Variants in TPMT observed in about 807,000 individuals in gnomAD.
The protein encoded by TPMT is thiopurine S-methyltransferase.
A neutral mutation model predicts 34.2 loss-of-function variants in TPMT; 18 were observed. The observed-to-expected ratio is 0.53, with a 90% CI of 0.36 to 0.78. The LOEUF (loss-of-function observed/expected upper bound fraction) is 0.78. Among genes scored for constraint, TPMT ranks in the 30% least tolerant of loss-of-function variants. The probability of loss-of-function intolerance (pLI) is 0.00; values close to 1 mark genes in which losing one functional copy is unlikely to be tolerated. For missense variants in TPMT, 265 were observed against 288.1 expected (o/e 0.92, Z 0.58); for synonymous variants, 69 against 92.4 (o/e 0.75, Z 1.45).
In TPMT at chr6:18,138,018, G is replaced by A. The variant is rs887600335; in HGVS notation, c.494+945C>T. Among the ~76,000 whole-genome samples, 3 of 152,196 alleles carry A rather than the reference G, an allele frequency of 2.0e-5. No homozygotes were observed. In the East Asian group the frequency reaches 5.8e-4, roughly 29 times the overall value. ...TGGTCTCGAACTCCTGACCTCAGGCGATCCGCCCACCTTGGCCTCCCAAAG... is the reference window on the plus strand; with the variant it reads ...TGGTCTCGAACTCCTGACCTCAGGCAATCCGCCCACCTTGGCCTCCCAAAG... On this transcript the variant is annotated intron_variant, in intron 6 of 8. Coordinates refer to ENST00000309983, the MANE Select transcript of TPMT (RefSeq NM_000367.5). This position sits in a 1 kb window ranked among gnomAD's most constrained non-coding sequence, Gnocchi z 4.1.
In TPMT at chr6:18,136,157, A is replaced by C. The variant is rs1784038463; in HGVS notation, c.495-2268T>G. Among the ~76,000 whole-genome samples, 1 of 152,100 alleles carries C rather than the reference A, an allele frequency of 6.6e-6. No homozygotes were observed. Among genetic ancestry groups the C allele is most frequent in the Non-Finnish European group, 1.5e-5 (1 of 68,022 alleles). ...GCCAACCAGAGCCTGTAGAAGGACT[A>C]ACCTCTAAGGAATGGATGATCATCT... On this transcript the variant is annotated intron_variant, in intron 6 of 8. Transcript: ENST00000309983. The surrounding 1 kb of genome is among the most constrained non-coding windows in gnomAD (Gnocchi z 4.7).
rs771278148 is a variant in TPMT at position 18,149,085 on chromosome 6, C to A, written c.43G>T (p.Asp15Tyr). 3.7e-6 allele frequency: 6 copies of A among 1,614,084 alleles called. No homozygotes were observed. The highest frequency in any genetic ancestry group is 5.1e-6 in the Non-Finnish European group (6 of 1,180,016). Reference sequence around the variant, plus strand: ...ACTTGGTTTTTCTGTACCTCAGTATCCGAGTACTCTTCAATGTCAAGTGAA... The same window carrying A: ...ACTTGGTTTTTCTGTACCTCAGTATACGAGTACTCTTCAATGTCAAGTGAA... ...RTSLDIEEYSDTEVQKNQVLT... is the reference protein window; with the variant it reads ...RTSLDIEEYSYTEVQKNQVLT... Residue 15 changes from aspartate (D) to tyrosine (Y), a missense_variant, in exon 2 of 9, where the codon GAT becomes TAT. By Grantham distance (160) the Asp-to-Tyr change is radical. Transcript: ENST00000309983. This position sits in a 1 kb window ranked among gnomAD's most constrained non-coding sequence, Gnocchi z 5.0.
At chr6:18,141,881 G>A (rs1012874216) in intron 4 of TPMT, among the ~76,000 whole-genome samples, 5 of 152,112 alleles carry the variant, frequency 3.3e-5, no homozygotes, top group Non-Finnish European at 5.9e-5. Flanking sequence ...CATAGATGCC[G>A]GCAGTTTGTG....
chr6:18,139,955 G>A lies in TPMT; in HGVS notation c.367-238C>T, dbSNP rs192107915. Among the ~76,000 whole-genome samples, 3 of 152,302 alleles carry A rather than the reference G, an allele frequency of 2.0e-5. No homozygotes were observed. The East Asian group carries it at 5.8e-4, about 29-fold the overall frequency. Reference sequence around the variant, plus strand: ...TCACAGAGGACAACTTTGAAGATCAGTTGGCTGTTACTCACTTCAGAGCTT... The same window carrying A: ...TCACAGAGGACAACTTTGAAGATCAATTGGCTGTTACTCACTTCAGAGCTT... On this transcript the variant is annotated intron_variant, in intron 4 of 8. Coordinates refer to ENST00000309983, the MANE Select transcript of TPMT (RefSeq NM_000367.5). This position sits in a 1 kb window ranked among gnomAD's most constrained non-coding sequence, Gnocchi z 4.2.
chr6:18,138,851 A>G lies in TPMT; in HGVS notation c.494+112T>C. On this transcript the variant is annotated intron_variant, in intron 6 of 8. Transcript: ENST00000309983. The surrounding 1 kb of genome is among the most constrained non-coding windows in gnomAD (Gnocchi z 4.1). ...ATTTAGGTTTTTATAAATTCCAAACATAATAACCTATTTCAAACTCATAGA... is the reference window on the plus strand; with the variant it reads ...ATTTAGGTTTTTATAAATTCCAAACGTAATAACCTATTTCAAACTCATAGA... The G allele has an allele frequency of 1.1e-6, 1 of 900,708 alleles. No individual in the cohort carries two copies. Among genetic ancestry groups the G allele is most frequent in the South Asian group, 1.5e-5 (1 of 67,074 alleles). The allele number at this position is 900,708 out of a possible 1,614,324, so 55.8% of individuals were successfully genotyped here.
chr6:18,133,687 T>C (rs1350650088), intron 7 of TPMT, 117 bp downstream of exon 7: 9 of 751,036 alleles, frequency 1.2e-5, no homozygotes, highest in East Asian at 1.1e-4. Flanking sequence ...CATGTATATA[T>C]GCAGTATGCT....
In TPMT at chr6:18,136,127, A is replaced by T. The variant is rs143235543; in HGVS notation, c.495-2238T>A. ...TGCTTCCCACTGCTTGGTGGATTTT[A>T]CCATGCCAACCAGAGCCTGTAGAAG... On this transcript the variant is annotated intron_variant, in intron 6 of 8. Coordinates refer to ENST00000309983, the MANE Select transcript of TPMT (RefSeq NM_000367.5). This position sits in a 1 kb window ranked among gnomAD's most constrained non-coding sequence, Gnocchi z 4.7. 1.3e-5 allele frequency among the ~76,000 whole-genome samples: 2 copies of T among 152,224 alleles called. No individual in the cohort carries two copies. The highest frequency in any genetic ancestry group is 3.9e-4 in the East Asian group (2 of 5,174).
Position 18,145,142 on chromosome 6 carries a change from G to A in TPMT, c.234-1414C>T, listed in dbSNP as rs1001706582. 6.6e-6 allele frequency among the ~76,000 whole-genome samples: 1 copy of A among 152,144 alleles called. No individual in the cohort carries two copies. The highest frequency in any genetic ancestry group is 1.5e-5 in the Non-Finnish European group (1 of 68,026). On this transcript the variant is annotated intron_variant, in intron 3 of 8. Coordinates refer to ENST00000309983, the MANE Select transcript of TPMT (RefSeq NM_000367.5). The surrounding 1 kb of genome is among the most constrained non-coding windows in gnomAD (Gnocchi z 5.6). The stretch of plus-strand genomic sequence containing the variant: ...ACATAGTTCTGCTATAATGTAACAA[G>A]TGCCTTCCTAAAATCACTGCACTAT...
In TPMT at chr6:18,145,073, A is replaced by G. The variant is rs1784223738; in HGVS notation, c.234-1345T>C. Among the ~76,000 whole-genome samples, 1 of 152,208 alleles carries G rather than the reference A, an allele frequency of 6.6e-6. No individual in the cohort carries two copies. Among genetic ancestry groups the G allele is most frequent in the African/African-American group, 2.4e-5 (1 of 41,460 alleles). On this transcript the variant is annotated intron_variant, in intron 3 of 8. Coordinates refer to ENST00000309983, the MANE Select transcript of TPMT (RefSeq NM_000367.5). The surrounding 1 kb of genome is among the most constrained non-coding windows in gnomAD (Gnocchi z 5.6). The stretch of plus-strand genomic sequence containing the variant: ...CAAGAGAAAACAGTACCAGTGGTAC[A>G]AATATCTAGGCACAGTTATGATTTT...
chr6:18,133,962 A>G (rs1440318320), intron 6 of TPMT, 73 bp from the exon 7 acceptor site: 7 of 1,259,720 alleles, frequency 5.6e-6, no homozygotes, highest in Non-Finnish European at 8.1e-6. Flanking sequence ...AAAGGCAGGG[A>G]AGGAAGCCAG....
At chr6:18,152,620 C>T (rs1328265999) in intron 1 of TPMT, among the ~76,000 whole-genome samples, 2 of 149,546 alleles carry the variant, frequency 1.3e-5, no homozygotes, top group African/African-American at 4.9e-5. Flanking sequence ...TGGAGTTTCG[C>T]TCTTGTTGCC....
At position 18,149,035 on chromosome 6, in the gene TPMT, G is replaced by C; in HGVS notation, c.93C>G (p.Asp31Glu). 1 of 1,614,064 alleles carries C rather than the reference G, an allele frequency of 6.2e-7. No homozygotes were observed. Among genetic ancestry groups the C allele is most frequent in the Non-Finnish European group, 8.5e-7 (1 of 1,179,994 alleles). The change falls in exon 2 of 9, where the codon GAC becomes GAG. Residue 31 changes from aspartate to glutamate, a missense_variant. Transcript: ENST00000309983. The surrounding 1 kb of genome is among the most constrained non-coding windows in gnomAD (Gnocchi z 5.0). ...NQVLTLEEWQ[D>E]KWVNGKTAFH... ...AAGCAGTCTTGCCGTTCACCCACTT[G>C]TCTTGCCATTCTTCCAGAGTTAGTA...
chr6:18,151,184 C>T (rs1450871876), intron 1 of TPMT, among the ~76,000 whole-genome samples: 41 of 130,358 alleles, frequency 3.1e-4, no homozygotes, highest in Admixed American at 1.9e-3. Context: ...CTTCTTCTCT[C>T]TTTTTTTTTT....
chr6:18,142,367 T>G (rs1784159744), intron 4 of TPMT, among the ~76,000 whole-genome samples: 1 of 152,016 alleles, frequency 6.6e-6, no homozygotes, highest in Non-Finnish European at 1.5e-5. Context: ...GCTTCCCTGA[T>G]TTTTACTACC....
chr6:18,129,373 C>T lies in TPMT; in HGVS notation c.*1295G>A, dbSNP rs1434777505. On this transcript the variant is annotated 3_prime_UTR_variant, in exon 9 of 9. Transcript: ENST00000309983. Reference sequence around the variant, plus strand: ...ACAAGACATATCTCTGGGGAGAGTACCGTAGCTTTCACCAGTGTTAAAGGG... The same window carrying T: ...ACAAGACATATCTCTGGGGAGAGTATCGTAGCTTTCACCAGTGTTAAAGGG... The T allele has an allele frequency of 6.6e-6, 1 of 152,164 alleles. No individual in the cohort carries two copies. Among genetic ancestry groups the T allele is most frequent in the Admixed American group, 6.5e-5 (1 of 15,276 alleles). 9.4% of individuals were successfully genotyped at this position (152,164 alleles called of 1,614,324 possible). A position where few individuals can be genotyped will look rare whatever the true frequency, so the allele number is the denominator to read the frequency against.
In TPMT at chr6:18,139,710, G is replaced by A. The variant is rs200220210; in HGVS notation, c.374C>T (p.Ser125Leu). 3.6e-4 allele frequency: 578 copies of A among 1,610,124 alleles called. No individual in the cohort carries two copies. Among genetic ancestry groups the A allele is most frequent in the Non-Finnish European group, 4.7e-4 (553 of 1,178,742 alleles). Residue 125 changes from serine to leucine, a missense_variant, in exon 5 of 9, where the codon TCG becomes TTG. Transcript: ENST00000309983. This position sits in a 1 kb window ranked among gnomAD's most constrained non-coding sequence, Gnocchi z 4.2. ...GCAACAGTACAATGAAATGTTCCCC[G>A]AAGAACTCTGTAATGAAATAATGAA... ...IPGTKVFKSSSGNISLYCCSI... is the reference protein window; with the variant it reads ...IPGTKVFKSSLGNISLYCCSI...
rs1044582645 is a variant in TPMT at position 18,150,356 on chromosome 6, T to A, written c.-44-1185A>T. Among the ~76,000 whole-genome samples the A allele has an allele frequency of 6.6e-6, 1 of 152,192 alleles. No individual in the cohort carries two copies. The highest frequency in any genetic ancestry group is 1.5e-5 in the Non-Finnish European group (1 of 68,026). On this transcript the variant is annotated intron_variant, in intron 1 of 8. Transcript: ENST00000309983. The surrounding 1 kb of genome is among the most constrained non-coding windows in gnomAD (Gnocchi z 5.3). ...TTCATCACGTAGGCATTATTGTACT[T>A]ACTCCTAATTCAACTCTAAATTCTG...
Position 18,146,184 on chromosome 6 carries a change from A to T in TPMT, c.233+1639T>A, listed in dbSNP as rs78854369. ...CTCAGTTCATATATATATATACATA[A>T]AAATAACTGTATTTACGTATATATA... On this transcript the variant is annotated intron_variant, in intron 3 of 8. Coordinates refer to ENST00000309983, the MANE Select transcript of TPMT (RefSeq NM_000367.5). This position sits in a 1 kb window ranked among gnomAD's most constrained non-coding sequence, Gnocchi z 6.2. 0.031 allele frequency among the ~76,000 whole-genome samples: 4,711 copies of T among 151,616 alleles called. 205 individuals carry two copies. Among genetic ancestry groups the T allele is most frequent in the African/African-American group, 0.095 (3,932 of 41,250 alleles).
intron 4 of TPMT, among the ~76,000 whole-genome samples, chr6:18,141,281 G>A (rs1784133654): frequency 6.6e-6 from 1 of 152,036 alleles, no homozygotes; most frequent in Admixed American, 6.5e-5. Context: ...TGAGAATGAG[G>A]TGGGAGGAAG....
Sources: allele counts gnomAD v4.1 joint callset (sites outside exome capture counted in the v4.1 genomes callset), GRCh38; gene constraint gnomAD v4.1.1; non-coding constraint Gnocchi (gnomAD v3.1); transcripts MANE v1.5; gene names NCBI Gene and HGNC (gene_info 2026-07-23, HGNC 2026-07-21).